Variants in OCA2 observed in about 807,000 individuals in gnomAD.
The protein encoded by OCA2 is OCA2 melanosomal transmembrane protein, also known as P protein.
OCA2 carries 77 observed loss-of-function variants against 100.2 expected under a neutral mutation model. The ratio of observed to expected loss-of-function variants is 0.77; its 90% CI spans 0.64 to 0.93. OCA2 has a LOEUF of 0.93. Ranked by LOEUF, OCA2 falls within the 40% of genes least tolerant of loss-of-function variation. The probability of loss-of-function intolerance (pLI) is 0.00; values close to 1 mark genes in which losing one functional copy is unlikely to be tolerated. For missense variants in OCA2, 1,062 were observed against 1,089.1 expected (o/e 0.98, Z 0.35); for synonymous variants, 432 against 439.2 (o/e 0.98, Z 0.21).
intron 15 of OCA2, among the ~76,000 whole-genome samples, chr15:27,966,212 T>C (rs1273462319): frequency 6.6e-6 from 1 of 152,170 alleles, no homozygotes; most frequent in African/African-American, 2.4e-5. Flanking sequence ...CTGATTCAGG[T>C]GATCCGCCCA....
intron 5 of OCA2, among the ~76,000 whole-genome samples, chr15:28,023,906 A>G (rs1017424659): frequency 6.6e-6 from 1 of 151,982 alleles, no homozygotes; most frequent in African/African-American, 2.4e-5. Flanking sequence ...GGGACCATAC[A>G]CCCACGTGCA....
rs557095205 is a variant in OCA2 at position 27,755,925 on chromosome 15, G to A, written c.2433-453C>T. Among the ~76,000 whole-genome samples the A allele has an allele frequency of 5.9e-5, 9 of 152,302 alleles. No individual in the cohort carries two copies. The South Asian group carries it at 1.9e-3, about 32-fold the overall frequency. On this transcript the variant is annotated intron_variant, in intron 23 of 23. Transcript: ENST00000354638. Reference sequence around the variant, plus strand: ...GGCCAAGGAGAGCTTGATAAGTAGTGTTGGAAACTAAGGCCAACTGTTGTC... The same window carrying A: ...GGCCAAGGAGAGCTTGATAAGTAGTATTGGAAACTAAGGCCAACTGTTGTC...
chr15:27,762,429 C>A (rs569646950), intron 23 of OCA2, among the ~76,000 whole-genome samples: 1 of 152,334 alleles, frequency 6.6e-6, no homozygotes, highest in Admixed American at 6.5e-5. Context: ...AACATCCTAA[C>A]ATAAATCTCA....
intron 23 of OCA2, among the ~76,000 whole-genome samples, chr15:27,806,339 C>T (rs1170581121): frequency 1.3e-5 from 2 of 152,202 alleles, no homozygotes; most frequent in African/African-American, 4.8e-5. Context: ...GGCAGGTTTG[C>T]GCCATGGTTC....
chr15:27,770,015 C>A (rs567007636), intron 23 of OCA2, among the ~76,000 whole-genome samples: 2 of 152,352 alleles, frequency 1.3e-5, no homozygotes, highest in East Asian at 3.9e-4. Flanking sequence ...CCTTAGCTAA[C>A]TCCTTTTATG....
intron 3 of OCA2, 47 bp from the exon 4 acceptor site, chr15:28,028,106 C>T: frequency 6.2e-7 from 1 of 1,603,912 alleles, no homozygotes; most frequent in African/African-American, 1.3e-5. Flanking sequence ...ATAGTAATGG[C>T]TACAAAGCAA....
intron 23 of OCA2, among the ~76,000 whole-genome samples, chr15:27,792,405 C>T (rs190067845): frequency 4.6e-4 from 70 of 152,306 alleles, no homozygotes; most frequent in Admixed American, 1.8e-3. Context: ...TTCCCTACTT[C>T]ATCCTTTACA....
intron 23 of OCA2, 75 bp from the exon 24 acceptor site, chr15:27,755,547 G>A (rs996559403): frequency 4.4e-6 from 5 of 1,142,258 alleles, no homozygotes; most frequent in Non-Finnish European, 5.3e-6. Flanking sequence ...CATAGCTCAT[G>A]AGAACATGGC....
chr15:28,007,657 G>A (rs2042127660), intron 9 of OCA2, among the ~76,000 whole-genome samples: 1 of 151,998 alleles, frequency 6.6e-6, no homozygotes, highest in Non-Finnish European at 1.5e-5. Flanking sequence ...TTGAACCCGG[G>A]AGGTGGAGGT....
At chr15:27,826,264 T>A (rs2034717780) in intron 23 of OCA2, among the ~76,000 whole-genome samples, 1 of 152,206 alleles carries the variant, frequency 6.6e-6, no homozygotes, top group South Asian at 2.1e-4. Flanking sequence ...AAATGAAAGT[T>A]ACTGCATTCC....
Position 28,081,771 on chromosome 15 carries a change from T to C in OCA2, c.104A>G (p.Lys35Arg). Residue 35 changes from lysine to arginine, a missense_variant, in exon 2 of 24, where the codon AAG becomes AGG. Physicochemically the swap from Lys to Arg is conservative, Grantham distance 26 (BLOSUM62 2). Transcript: ENST00000354638. ...ACCGGCTCCCCGAGGAAGCCTGCGCTTGCCGGCCACAAGTTCAGCGAGTCC... is the reference window on the plus strand; with the variant it reads ...ACCGGCTCCCCGAGGAAGCCTGCGCCTGCCGGCCACAAGTTCAGCGAGTCC... The part of the protein sequence containing the change: ...PSGLAELVAG[K>R]RRLPRGAGGA... 6.2e-7 allele frequency: 1 copy of C among 1,613,388 alleles called. No homozygotes were observed. The highest frequency in any genetic ancestry group is 1.1e-5 in the South Asian group (1 of 91,070).
At chr15:27,816,673 C>T (rs551923352) in intron 23 of OCA2, among the ~76,000 whole-genome samples, 1 of 152,184 alleles carries the variant, frequency 6.6e-6, no homozygotes, top group Non-Finnish European at 1.5e-5. Flanking sequence ...TCTCATATCC[C>T]TTCATGCCCA....
At position 27,755,477 on chromosome 15, in the gene OCA2, A is replaced by C. The variant is rs1410129261; in HGVS notation, c.2433-5T>G. The C allele has an allele frequency of 2.8e-5, 45 of 1,610,718 alleles. No homozygotes were observed. Among genetic ancestry groups the C allele is most frequent in the Non-Finnish European group, 3.6e-5 (42 of 1,176,890 alleles). On this transcript the variant is annotated splice_region_variant and splice_polypyrimidine_tract_variant and intron_variant, in intron 23 of 23. Transcript: ENST00000354638. ...ACCATCATTGGGAAGCCCAGCCTGA[A>C]ATACAAAGAGAAATGAGTTATGGCA...
chr15:27,894,567 G>C (rs2037606796), intron 19 of OCA2, among the ~76,000 whole-genome samples: 1 of 152,180 alleles, frequency 6.6e-6, no homozygotes, highest in South Asian at 2.1e-4. Context: ...AAAGAGTGAG[G>C]AGACAGTAGC....
intron 23 of OCA2, among the ~76,000 whole-genome samples, chr15:27,836,770 A>G (rs1339664565): frequency 6.6e-6 from 1 of 152,244 alleles, no homozygotes; most frequent in African/African-American, 2.4e-5. Flanking sequence ...TTTGAATCAC[A>G]CTGAACAAAG....
At chr15:28,028,158 A>G in intron 3 of OCA2, 99 bp from the exon 4 acceptor site, 1 of 1,363,830 alleles carries the variant, frequency 7.3e-7, no homozygotes, top group Non-Finnish European at 1.0e-6. Context: ...GCACCGAATC[A>G]ACCCTGGTCT....
intron 23 of OCA2, among the ~76,000 whole-genome samples, chr15:27,817,010 G>A (rs2034328373): frequency 6.6e-6 from 1 of 152,116 alleles, no homozygotes; most frequent in Non-Finnish European, 1.5e-5. Context: ...GCCTTTCTCT[G>A]TTCTCACCAC....
intron 23 of OCA2, among the ~76,000 whole-genome samples, chr15:27,793,496 G>T (rs1330479104): frequency 1.3e-5 from 2 of 152,020 alleles, no homozygotes; most frequent in Non-Finnish European, 2.9e-5. Flanking sequence ...GAAAAATGGT[G>T]ATTCTTCAGG....
chr15:27,786,337 T>C (rs1453377608), intron 23 of OCA2, among the ~76,000 whole-genome samples: 2 of 152,192 alleles, frequency 1.3e-5, no homozygotes, highest in African/African-American at 2.4e-5. Flanking sequence ...TGGGTGTTGA[T>C]AGGAACTGCA....
Sources: allele counts gnomAD v4.1 joint callset (sites outside exome capture counted in the v4.1 genomes callset), GRCh38; gene constraint gnomAD v4.1.1; transcripts MANE v1.5; gene names NCBI Gene and HGNC (gene_info 2026-07-23, HGNC 2026-07-21).